The following GAS7 variants were observed in gnomAD, a reference collection of about 807,000 sequenced individuals.
GAS7 encodes the protein growth arrest-specific protein 7.
In GAS7, 28 loss-of-function variants were observed where a neutral mutation model predicts 71.1. The ratio of observed to expected loss-of-function variants is 0.39; its 90% confidence interval spans 0.29 to 0.54. GAS7 has a LOEUF of 0.54. GAS7 is among the 20% of genes least tolerant of loss of function. The probability of loss-of-function intolerance (pLI) is 0.62; values close to 1 mark genes in which losing one functional copy is unlikely to be tolerated. For missense variants in GAS7, 436 were observed against 627.8 expected, an observed-to-expected ratio of 0.69 and a Z score of 3.27; for synonymous variants, 258 against 245.8, an observed-to-expected ratio of 1.05 and a Z score of -0.46.
chr17:10,102,748 C>G (rs1372438952), intron 1 of GAS7, among the ~76,000 whole-genome samples: 2 of 136,918 alleles, frequency 1.5e-5, no homozygotes, highest in Non-Finnish European at 3.2e-5. Flanking sequence ...ATACCCAGGC[C>G]CTGTTTTTTT....
chr17:9,957,124 C>G (rs577721859), intron 5 of GAS7, among the ~76,000 whole-genome samples: 1 of 151,556 alleles, frequency 6.6e-6, no homozygotes, highest in Non-Finnish European at 1.5e-5. Context: ...GTTTCTCTGG[C>G]AAAAAAATTC....
At chr17:9,973,963 G>C (rs887155548) in intron 3 of GAS7, among the ~76,000 whole-genome samples, 1 of 152,118 alleles carries the variant, frequency 6.6e-6, no homozygotes, top group African/African-American at 2.4e-5. Context: ...CCCAGCTCCT[G>C]AGGAGACCCT....
intron 1 of GAS7, among the ~76,000 whole-genome samples, chr17:10,120,813 G>T (rs1361718295): frequency 2.0e-5 from 3 of 152,238 alleles, no homozygotes; most frequent in Non-Finnish European, 4.4e-5. Flanking sequence ...TGGGCAGCCG[G>T]GGGAGAGGAA....
At position 9,957,571 on chromosome 17, in the gene GAS7, C is replaced by T. The variant is rs1044653815; in HGVS notation, c.525+1631G>A. Among the ~76,000 whole-genome samples, 11 of 152,018 alleles carry T rather than the reference C, an allele frequency of 7.2e-5. 1 individual carries two copies. In the South Asian group the frequency reaches 1.0e-3, roughly 14 times the overall value. On this transcript the variant is annotated intron_variant, in intron 5 of 13. Coordinates refer to ENST00000432992, the MANE Select transcript of GAS7 (RefSeq NM_201433.2). ...TAGAATTCAAATATGTCTCCCACTC[C>T]GACCTCCCCCCCTTTCTCCTCCCCC...
rs941102775 is a variant in GAS7, at chr17:10,103,877, G to T, written c.184-83980C>A. ...AAGCAAACCCATAGAACCCATAGTA[G>T]CTGCTCATCAACCCACAGCCCAAAT... On this transcript the variant is annotated intron_variant, in intron 1 of 13. Transcript: ENST00000432992. This position sits in a 1 kb window ranked among gnomAD's most constrained non-coding sequence, Gnocchi z 5.5. Among the ~76,000 whole-genome samples the T allele has an allele frequency of 2.3e-4, 34 of 150,034 alleles. No homozygotes were observed. The highest frequency in any genetic ancestry group is 3.8e-4 in the Non-Finnish European group (26 of 67,732).
chr17:10,005,050 T>TATATATATATATACACACAC (rs1296844463), intron 2 of GAS7, among the ~76,000 whole-genome samples: 2 of 150,078 alleles, frequency 1.3e-5, no homozygotes, highest in East Asian at 2.0e-4. Flanking sequence ...TACATATATA[T>TATATATATATATACACACAC]ACACATATAT....
intron 1 of GAS7, among the ~76,000 whole-genome samples, chr17:10,123,617 T>C (rs2073921789): frequency 6.6e-6 from 1 of 152,234 alleles, no homozygotes; most frequent in South Asian, 2.1e-4. Flanking sequence ...GTCCTGTTTA[T>C]CATCTCTCAG....
rs551590222 is a variant in GAS7, at chr17:9,977,367, T to G, written c.385+4437A>C. Among the ~76,000 whole-genome samples, 3 of 152,326 alleles carry G rather than the reference T, an allele frequency of 2.0e-5. No homozygotes were observed. The East Asian group carries it at 5.8e-4, about 29-fold the overall frequency. Reference sequence around the variant, plus strand: ...ACACTGCCCTGTACTGTCTTCATTCTACCCAATGACTCATACATGAAACTC... The same window carrying G: ...ACACTGCCCTGTACTGTCTTCATTCGACCCAATGACTCATACATGAAACTC... On this transcript the variant is annotated intron_variant, in intron 3 of 13. Transcript: ENST00000432992.
intron 3 of GAS7, among the ~76,000 whole-genome samples, chr17:9,971,348 TAGG>T (rs2069953226): frequency 6.6e-6 from 1 of 152,076 alleles, no homozygotes; most frequent in East Asian, 1.9e-4. Flanking sequence ...TGCTTGAGCC[TAGG>T]AGTTTAAGAT....
intron 1 of GAS7, among the ~76,000 whole-genome samples, chr17:10,044,585 C>T (rs549054580): frequency 1.3e-4 from 19 of 151,964 alleles, no homozygotes; most frequent in Non-Finnish European, 2.2e-4. Flanking sequence ...TATGTATTCA[C>T]GGCATGTCTA....
chr17:10,083,790 CA>C (rs2073484128), intron 1 of GAS7, among the ~76,000 whole-genome samples: 1 of 152,052 alleles, frequency 6.6e-6, no homozygotes, highest in African/African-American at 2.4e-5. Context: ...TGTGAGTATG[CA>C]AAAAAGGTTA....
chr17:9,980,271 T>G (rs1281053798), intron 3 of GAS7, among the ~76,000 whole-genome samples: 2 of 152,192 alleles, frequency 1.3e-5, no homozygotes, highest in Non-Finnish European at 2.9e-5. Context: ...CTTTCATGTC[T>G]TCAGGTCTCA....
chr17:10,091,469 C>T (rs1457976265), intron 1 of GAS7, among the ~76,000 whole-genome samples: 1 of 152,110 alleles, frequency 6.6e-6, no homozygotes, highest in Non-Finnish European at 1.5e-5. Flanking sequence ...CTCACTGCAA[C>T]CTCCGCCTCC....
intron 1 of GAS7, among the ~76,000 whole-genome samples, chr17:10,063,310 G>A (rs921774159): frequency 6.6e-6 from 1 of 152,220 alleles, no homozygotes; most frequent in Non-Finnish European, 1.5e-5. Flanking sequence ...GTGTGTGTGT[G>A]CGTGCGCATG....
Position 9,988,896 on chromosome 17 carries a change from C to T in GAS7, c.305-7012G>A, listed in dbSNP as rs138176636. On this transcript the variant is annotated intron_variant, in intron 2 of 13. Transcript: ENST00000432992. ...CGGAGTCTCGCTCTGTTGCCCAGAC[C>T]GGAGTACAGTGGCGCGATATCAGCT... 7.8e-3 allele frequency among the ~76,000 whole-genome samples: 1,172 copies of T among 149,848 alleles called. 16 individuals are homozygous for T. Among genetic ancestry groups the T allele is most frequent in the African/African-American group, 0.027 (1,094 of 40,652 alleles).
intron 2 of GAS7, among the ~76,000 whole-genome samples, chr17:9,982,954 T>G (rs1327180067): frequency 6.6e-6 from 1 of 152,186 alleles, no homozygotes; most frequent in Admixed American, 6.5e-5. Flanking sequence ...TTCACTGCCA[T>G]GAGCAGAGAC....
chr17:9,956,969 G>A (rs2069265867), intron 5 of GAS7, among the ~76,000 whole-genome samples: 1 of 152,204 alleles, frequency 6.6e-6, no homozygotes, highest in African/African-American at 2.4e-5. Context: ...GAAGGGAAAA[G>A]GCACCAAGGC....
intron 1 of GAS7, among the ~76,000 whole-genome samples, chr17:10,128,515 C>T (rs1460008892): frequency 6.6e-6 from 1 of 152,218 alleles, no homozygotes; most frequent in African/African-American, 2.4e-5. Context: ...CCTCTCACCC[C>T]CTTAACTAGG....
At chr17:10,036,740 A>G in intron 1 of GAS7, 1 of 1,230,960 alleles carries the variant, frequency 8.1e-7, no homozygotes, top group Non-Finnish European at 1.0e-6. Flanking sequence ...TCCAGATGCA[A>G]TGTTTCTGGA....
Sources: gnomAD v4.1 joint callset for allele counts (sites outside exome capture counted in the v4.1 genomes callset) on GRCh38, gnomAD v4.1.1 for gene constraint, Gnocchi (gnomAD v3.1) non-coding constraint, MANE v1.5 for transcripts, NCBI Gene and HGNC (gene_info 2026-07-23, HGNC 2026-07-21) for gene names.